POLA1: variants seen among roughly 807,000 people sequenced by gnomAD.
POLA1 encodes DNA polymerase alpha 1, catalytic subunit, also known as DNA polymerase alpha catalytic subunit.
Under a neutral mutation model 124.0 loss-of-function variants are expected in POLA1, and 15 were observed. The ratio of observed to expected loss-of-function variants is 0.12; its 90% CI spans 0.08 to 0.19. POLA1 has a LOEUF of 0.19. Among genes scored for constraint, POLA1 ranks in the 10% least tolerant of loss-of-function variants. POLA1 has a pLI of 1.00. For missense variants in POLA1, 886 were observed against 1,103.4 expected (o/e 0.80, Z 2.79); for synonymous variants, 408 against 389.4 (o/e 1.05, Z -0.56).
At chrX:24,995,781 T>C (rs1472004839) in intron 36 of POLA1, 24 bp from the exon 37 acceptor site, 1 of 1,178,237 alleles carries the variant, frequency 8.5e-7, no homozygotes, top group Non-Finnish European at 1.2e-6. Flanking sequence ...CTGAGACTTC[T>C]AATCTCTCTC....
At chrX:24,738,215 G>A (rs765590830) in intron 19 of POLA1, among the ~76,000 whole-genome samples, 3 of 53,991 alleles carry the variant, frequency 5.6e-5, no homozygotes, top group Admixed American at 3.1e-4. Flanking sequence ...GCGAGACTCC[G>A]TCTCAAAAAA....
chrX:24,958,593 T>C (rs1438698751), intron 36 of POLA1, among the ~76,000 whole-genome samples: 1 of 112,524 alleles, frequency 8.9e-6, no homozygotes, highest in African/African-American at 3.2e-5. Context: ...TGTATTATTA[T>C]CCATGTTCTG....
At chrX:24,937,011 CTG>C (rs756191497) in intron 36 of POLA1, among the ~76,000 whole-genome samples, 11 of 111,889 alleles carry the variant, frequency 9.8e-5, no homozygotes, top group Admixed American at 3.8e-4. Flanking sequence ...AGATGGGTAA[CTG>C]TAAACTGCAT....
At chrX:24,760,505 G>GTTTTT (rs1339043232) in intron 26 of POLA1, among the ~76,000 whole-genome samples, 1 of 111,735 alleles carries the variant, frequency 8.9e-6, no homozygotes, top group Non-Finnish European at 1.9e-5. Context: ...CCTACTTTTG[G>GTTTTT]CAGCCTCGGC....
chrX:24,744,358 A>G, intron 23 of POLA1: 1 of 260,783 alleles, frequency 3.8e-6, no homozygotes, highest in East Asian at 1.3e-4. Context: ...TATCTACCAC[A>G]CAGGGATTTA....
intron 32 of POLA1, among the ~76,000 whole-genome samples, chrX:24,837,327 C>T (rs1366863941): frequency 9.0e-6 from 1 of 111,681 alleles, no homozygotes; most frequent in East Asian, 2.8e-4. Context: ...TCAAGATTTT[C>T]GTATAAATGG....
chrX:24,949,004 A>C (rs1220784742), intron 36 of POLA1, among the ~76,000 whole-genome samples: 1 of 111,924 alleles, frequency 8.9e-6, no homozygotes. Context: ...TAATCATAGA[A>C]ATAATTTCTT....
chrX:24,858,173 A>G (rs745736450), intron 34 of POLA1, among the ~76,000 whole-genome samples: 2 of 112,319 alleles, frequency 1.8e-5, no homozygotes, highest in East Asian at 2.8e-4. Context: ...GGAATTTACC[A>G]TGCTTCTTAA....
At chrX:24,979,292 A>C (rs771246762) in intron 36 of POLA1, among the ~76,000 whole-genome samples, 1 of 112,192 alleles carries the variant, frequency 8.9e-6, no homozygotes, top group South Asian at 3.8e-4. Context: ...ACTGAAACCT[A>C]AAATAAGTAT....
At chrX:24,952,035 G>C (rs1456517598) in intron 36 of POLA1, among the ~76,000 whole-genome samples, 2 of 111,615 alleles carry the variant, frequency 1.8e-5, no homozygotes, top group Admixed American at 9.5e-5. Flanking sequence ...TCATTTATTA[G>C]GTGGTAACGA....
chrX:24,793,064 A>T (rs886814214), intron 26 of POLA1, among the ~76,000 whole-genome samples: 1 of 109,781 alleles, frequency 9.1e-6, no homozygotes, highest in African/African-American at 3.3e-5. Context: ...ATCACCTGAG[A>T]TCAGGAGTTC....
intron 36 of POLA1, among the ~76,000 whole-genome samples, chrX:24,990,127 T>A (rs2048519069): frequency 8.9e-6 from 1 of 112,296 alleles, no homozygotes; most frequent in Non-Finnish European, 1.9e-5. Context: ...TGATTGCAGG[T>A]AACAGAGTTA....
At chrX:24,755,403 T>C (rs1308229657) in intron 26 of POLA1, among the ~76,000 whole-genome samples, 1 of 112,239 alleles carries the variant, frequency 8.9e-6, no homozygotes, top group Non-Finnish European at 1.9e-5. Flanking sequence ...GTCAGTCTCA[T>C]GGGTATGAAA....
chrX:24,983,594 A>G (rs186427663), intron 36 of POLA1, among the ~76,000 whole-genome samples: 124 of 112,575 alleles, frequency 1.1e-3, no homozygotes, highest in Non-Finnish European at 1.0e-3. Flanking sequence ...ATGTTAATTC[A>G]GAGTTCTTTC....
At chrX:24,755,384 T>A (rs1932546635) in intron 26 of POLA1, among the ~76,000 whole-genome samples, 1 of 112,395 alleles carries the variant, frequency 8.9e-6, no homozygotes, top group Admixed American at 9.4e-5. Context: ...TCTGAGTTTT[T>A]ATTTTTTGGT....
At chrX:24,749,978 T>TG (rs2148407340) in intron 26 of POLA1, among the ~76,000 whole-genome samples, 1 of 112,013 alleles carries the variant, frequency 8.9e-6, no homozygotes, top group South Asian at 3.7e-4. Context: ...GTAGTGGTCA[T>TG]GGGAAAAATG....
At chrX:24,932,431 A>T (rs1035313274) in intron 36 of POLA1, among the ~76,000 whole-genome samples, 8 of 111,883 alleles carry the variant, frequency 7.2e-5, no homozygotes, top group Non-Finnish European at 1.3e-4. Flanking sequence ...TGAGAAGTGC[A>T]CGTTATTACA....
chrX:24,708,329 A>G (rs1469924142), intron 4 of POLA1, among the ~76,000 whole-genome samples: 1 of 109,755 alleles, frequency 9.1e-6, no homozygotes, highest in Non-Finnish European at 1.9e-5. Context: ...ATTTTTCACA[A>G]ATGTCCTACA....
At chrX:24,885,273 A>G (rs1264901142) in intron 34 of POLA1, among the ~76,000 whole-genome samples, 1 of 111,682 alleles carries the variant, frequency 9.0e-6, no homozygotes, top group Non-Finnish European at 1.9e-5. Flanking sequence ...ATTCCAAAGC[A>G]TGTAAAGCCT....
Sources: allele counts gnomAD v4.1 joint callset (sites outside exome capture counted in the v4.1 genomes callset), GRCh38; gene constraint gnomAD v4.1.1; transcripts MANE v1.5; gene names NCBI Gene and HGNC (gene_info 2026-07-23, HGNC 2026-07-21).